The following FGGY variants were observed in gnomAD, a reference collection of about 807,000 sequenced individuals.
The protein encoded by FGGY is FGGY carbohydrate kinase domain containing.
A neutral mutation model predicts 71.3 loss-of-function variants in FGGY; 72 were observed. The ratio of observed to expected loss-of-function variants is 1.01; its 90% CI spans 0.84 to 1.23. The LOEUF is 1.23. FGGY is among the 50% of genes most tolerant of loss of function. The probability of loss-of-function intolerance (pLI) is 0.00; values close to 1 mark genes in which losing one functional copy is unlikely to be tolerated. For missense variants in FGGY, 668 were observed against 682.3 expected (o/e 0.98, Z 0.23); for synonymous variants, 251 against 250.3 (o/e 1.00, Z -0.02).
rs1573683733 is a variant in FGGY at position 59,722,606 on chromosome 1, C to A, written c.1513-35325C>A. ...TGTTACTCAGTTGTTCCAGTTGTAG[C>A]CATTGGCAACTCCTCAGTTGGCTCC... On this transcript the variant is annotated intron_variant, in intron 14 of 15. Coordinates refer to ENST00000303721, the MANE Select transcript of FGGY (RefSeq NM_018291.5). Among the ~76,000 whole-genome samples the A allele has an allele frequency of 2.0e-5, 3 of 152,262 alleles. No individual in the cohort carries two copies. In the South Asian group the frequency reaches 6.2e-4, roughly 32 times the overall value.
chr1:59,492,373 G>A (rs1030732025), intron 6 of FGGY, among the ~76,000 whole-genome samples: 1 of 152,136 alleles, frequency 6.6e-6, no homozygotes, highest in Non-Finnish European at 1.5e-5. Context: ...ACATGCATAA[G>A]GCTTATCAAC....
intron 14 of FGGY, among the ~76,000 whole-genome samples, chr1:59,745,773 A>T (rs6669809): frequency 0.18 from 27,028 of 152,222 alleles, 2,838 homozygotes; most frequent in Non-Finnish European, 0.23. Flanking sequence ...GCTATGGAAG[A>T]AATTAGAGCC....
chr1:59,666,890 A>G (rs2097330895), intron 12 of FGGY, among the ~76,000 whole-genome samples: 1 of 152,184 alleles, frequency 6.6e-6, no homozygotes, highest in Admixed American at 6.5e-5. Flanking sequence ...CCAAGATACC[A>G]TTGACTCTGT....
intron 5 of FGGY, among the ~76,000 whole-genome samples, chr1:59,430,902 G>A (rs1327619643): frequency 6.6e-6 from 1 of 152,102 alleles, no homozygotes; most frequent in East Asian, 1.9e-4. Context: ...GACACCCTAG[G>A]CTCAACTCAT....
At chr1:59,592,275 T>TG (rs538065312) in intron 8 of FGGY, among the ~76,000 whole-genome samples, 200 of 152,094 alleles carry the variant, frequency 1.3e-3, no homozygotes, top group African/African-American at 4.6e-3. Flanking sequence ...CATTAAAAAG[T>TG]CAGGAAACAA....
intron 2 of FGGY, among the ~76,000 whole-genome samples, chr1:59,323,705 T>C (rs1258854152): frequency 6.6e-6 from 1 of 152,216 alleles, no homozygotes; most frequent in Non-Finnish European, 1.5e-5. Flanking sequence ...TTCAGTTTCC[T>C]TATCTGTAAA....
At chr1:59,348,246 A>G (rs970406576) in intron 4 of FGGY, among the ~76,000 whole-genome samples, 5 of 152,184 alleles carry the variant, frequency 3.3e-5, no homozygotes, top group Admixed American at 6.5e-5. Context: ...ATTTAAGTCC[A>G]TATCTTCTGA....
chr1:59,430,396 G>A (rs2067132323), intron 5 of FGGY, among the ~76,000 whole-genome samples: 1 of 151,972 alleles, frequency 6.6e-6, no homozygotes, highest in African/African-American at 2.4e-5. Flanking sequence ...GTCTTTTTTG[G>A]TGTAAAATCC....
At chr1:59,695,145 A>G (rs2097646219) in intron 14 of FGGY, among the ~76,000 whole-genome samples, 1 of 152,194 alleles carries the variant, frequency 6.6e-6, no homozygotes, top group South Asian at 2.1e-4. Flanking sequence ...GGCAGTGACT[A>G]TGTGCTAGAT....
chr1:59,668,270 T>C (rs951107610), intron 13 of FGGY, among the ~76,000 whole-genome samples: 1 of 152,104 alleles, frequency 6.6e-6, no homozygotes, highest in Non-Finnish European at 1.5e-5. Context: ...CCCCTTTTAC[T>C]CCTTGCCCCT....
Position 59,667,269 on chromosome 1 carries a change from C to CT in FGGY, c.1297-10dup, listed in dbSNP as rs1218088282. 1 of 1,613,926 alleles carries CT rather than the reference C, an allele frequency of 6.2e-7. No individual in the cohort carries two copies. The highest frequency in any genetic ancestry group is 1.3e-5 in the African/African-American group (1 of 75,054). On this transcript the variant is annotated splice_polypyrimidine_tract_variant and intron_variant, in intron 12 of 15. Coordinates refer to ENST00000303721, the MANE Select transcript of FGGY (RefSeq NM_018291.5). ...GTGACTATACTGATGCTATCTTCTG[C>CT]TTTTCCTTTCAAGTTGGGGACTCGC...
chr1:59,504,935 C>T (rs1168493733), intron 6 of FGGY, among the ~76,000 whole-genome samples: 2 of 152,124 alleles, frequency 1.3e-5, no homozygotes, highest in African/African-American at 4.8e-5. Flanking sequence ...CTAGACACTG[C>T]TGACGTTGTG....
At chr1:59,591,355 C>G (rs940454195) in intron 8 of FGGY, among the ~76,000 whole-genome samples, 22 of 152,238 alleles carry the variant, frequency 1.4e-4, no homozygotes, top group Middle Eastern at 3.4e-3. Context: ...GTGAAAATGG[C>G]CATACTGCCC....
chr1:59,329,105 C>T (rs531859557), intron 2 of FGGY, among the ~76,000 whole-genome samples: 24 of 148,870 alleles, frequency 1.6e-4, no homozygotes, highest in African/African-American at 6.0e-4. Context: ...TTGTAAAAAA[C>T]ACAATCTGCA....
intron 6 of FGGY, among the ~76,000 whole-genome samples, chr1:59,470,783 A>G (rs949484571): frequency 1.3e-5 from 2 of 152,240 alleles, no homozygotes; most frequent in Non-Finnish European, 2.9e-5. Flanking sequence ...GAATTTTTCC[A>G]GTAAAAGTGG....
At chr1:59,639,446 A>T (rs2096996254) in intron 11 of FGGY, among the ~76,000 whole-genome samples, 1 of 152,228 alleles carries the variant, frequency 6.6e-6, no homozygotes, top group African/African-American at 2.4e-5. Flanking sequence ...TCCATGAAGC[A>T]TGCCTACACA....
chr1:59,732,102 A>G (rs1485800757), intron 14 of FGGY, among the ~76,000 whole-genome samples: 1 of 152,180 alleles, frequency 6.6e-6, no homozygotes, highest in Non-Finnish European at 1.5e-5. Flanking sequence ...TGCCGCACAC[A>G]AAGCATCTGG....
chr1:59,740,565 C>T (rs1368348417), intron 14 of FGGY, among the ~76,000 whole-genome samples: 2 of 152,186 alleles, frequency 1.3e-5, no homozygotes, highest in Non-Finnish European at 1.5e-5. Context: ...CAGAAATTGG[C>T]AATTGATAAA....
chr1:59,609,993 C>T (rs1347236063), intron 9 of FGGY, among the ~76,000 whole-genome samples: 2 of 152,212 alleles, frequency 1.3e-5, no homozygotes, highest in African/African-American at 4.8e-5. Context: ...AGGAAGACAT[C>T]ATCTATGGCT....
Sources: gnomAD v4.1 joint callset for allele counts (sites outside exome capture counted in the v4.1 genomes callset) on GRCh38, gnomAD v4.1.1 for gene constraint, MANE v1.5 for transcripts, NCBI Gene and HGNC (gene_info 2026-07-23, HGNC 2026-07-21) for gene names.